ARHGEF7: variants seen among roughly 807,000 people sequenced by gnomAD.
ARHGEF7 encodes the protein PAK-interacting exchange factor beta.
ARHGEF7 carries 33 observed loss-of-function variants against 109.8 expected under a neutral mutation model. The observed-to-expected ratio is 0.30, with a 90% CI of 0.23 to 0.40. ARHGEF7 has a LOEUF of 0.40. Ranked by LOEUF, ARHGEF7 falls within the 10% of genes least tolerant of loss-of-function variation. The pLI is 1.00. For missense variants in ARHGEF7, 938 were observed against 1,098.5 expected (o/e 0.85, Z 2.07); for synonymous variants, 458 against 424.6 (o/e 1.08, Z -0.97).
chr13:111,208,083 C>G (rs1422723305), intron 3 of ARHGEF7, among the ~76,000 whole-genome samples: 1 of 152,204 alleles, frequency 6.6e-6, no homozygotes, highest in African/African-American at 2.4e-5. Flanking sequence ...TCTTGTTGCC[C>G]AGGCTGGAGT....
chr13:111,144,296 G>T (rs1436852753), intron 1 of ARHGEF7: 1 of 152,254 alleles, frequency 6.6e-6, no homozygotes, highest in African/African-American at 2.4e-5. Flanking sequence ...GAATGCAAAA[G>T]AGAAACATGC....
At chr13:111,254,350 G>A (rs1281801558) in intron 8 of ARHGEF7, among the ~76,000 whole-genome samples, 1 of 152,186 alleles carries the variant, frequency 6.6e-6, no homozygotes, top group Non-Finnish European at 1.5e-5. Flanking sequence ...TTGTTTGAGA[G>A]GATATGGGTG....
intron 16 of ARHGEF7, among the ~76,000 whole-genome samples, chr13:111,284,714 TTGC>T (rs1347429773): frequency 1.3e-5 from 2 of 152,152 alleles, no homozygotes; most frequent in Non-Finnish European, 2.9e-5. Flanking sequence ...CCGTCCAGTG[TTGC>T]TGAGCACCGC....
intron 6 of ARHGEF7, among the ~76,000 whole-genome samples, chr13:111,240,120 C>A (rs1051113624): frequency 2.6e-5 from 4 of 152,122 alleles, no homozygotes; most frequent in Non-Finnish European, 4.4e-5. Context: ...AGTGGTGGAG[C>A]GCAGCTGGGA....
At chr13:111,136,973 G>A (rs964911709) in intron 1 of ARHGEF7, among the ~76,000 whole-genome samples, 6 of 152,166 alleles carry the variant, frequency 3.9e-5, no homozygotes, top group Non-Finnish European at 7.4e-5. Flanking sequence ...ATACCTCTAC[G>A]CAAATAAACT....
chr13:111,247,879 AC>A (rs1286177180), intron 8 of ARHGEF7, among the ~76,000 whole-genome samples: 2 of 152,158 alleles, frequency 1.3e-5, no homozygotes, highest in East Asian at 3.9e-4. Flanking sequence ...AAGTTGGCTG[AC>A]CCCCAGGTGA....
chr13:111,180,600 G>C (rs868500671), intron 2 of ARHGEF7, among the ~76,000 whole-genome samples: 17 of 152,310 alleles, frequency 1.1e-4, no homozygotes, highest in African/African-American at 9.6e-5. Context: ...CTACAGGAAG[G>C]AGAAGCTGAG....
At chr13:111,279,105 A>T (rs747577651) in intron 13 of ARHGEF7, among the ~76,000 whole-genome samples, 1 of 152,202 alleles carries the variant, frequency 6.6e-6, no homozygotes, top group Admixed American at 6.5e-5. Context: ...GGCTAGGTTA[A>T]ACACAGTTGT....
chr13:111,141,357 T>A (rs199797791), intron 1 of ARHGEF7, among the ~76,000 whole-genome samples: 1 of 137,816 alleles, frequency 7.3e-6, no homozygotes, highest in Admixed American at 7.5e-5. Flanking sequence ...ACCGTCCCCA[T>A]GTTTTTTTTT....
chr13:111,208,229 G>A (rs1395446972), intron 3 of ARHGEF7, among the ~76,000 whole-genome samples: 1 of 152,110 alleles, frequency 6.6e-6, no homozygotes, highest in Non-Finnish European at 1.5e-5. Flanking sequence ...TAGTAGAGGC[G>A]GGGTTTCTCC....
intron 1 of ARHGEF7, among the ~76,000 whole-genome samples, chr13:111,127,114 A>G (rs902356357): frequency 3.9e-5 from 6 of 152,258 alleles, no homozygotes; most frequent in African/African-American, 1.4e-4. Context: ...TCGAAAGATA[A>G]TAAGTGGATA....
chr13:111,224,598 A>T (rs2084937055), intron 5 of ARHGEF7, among the ~76,000 whole-genome samples: 1 of 152,230 alleles, frequency 6.6e-6, no homozygotes, highest in Non-Finnish European at 1.5e-5. Context: ...GAGAGCTTAA[A>T]TGGGACTGTC....
chr13:111,165,048 C>G (rs1235108189), intron 2 of ARHGEF7, among the ~76,000 whole-genome samples: 1 of 152,138 alleles, frequency 6.6e-6, no homozygotes, highest in Non-Finnish European at 1.5e-5. Context: ...TCGGAGTCAG[C>G]TTGAACTTAC....
At chr13:111,162,698 C>CAGAA (rs1290046068) in intron 2 of ARHGEF7, among the ~76,000 whole-genome samples, 1 of 152,176 alleles carries the variant, frequency 6.6e-6, no homozygotes, top group Non-Finnish European at 1.5e-5. Flanking sequence ...TTCTGAAGGA[C>CAGAA]AAGTTCTTTT....
chr13:111,124,248 T>A (rs1363908518), intron 1 of ARHGEF7, among the ~76,000 whole-genome samples: 1 of 152,246 alleles, frequency 6.6e-6, no homozygotes, highest in Non-Finnish European at 1.5e-5. Context: ...TGTTGGAGAT[T>A]TACTGAAACA....
chr13:111,221,503 C>CATCTA (rs2084244348), intron 5 of ARHGEF7, among the ~76,000 whole-genome samples: 1 of 48,066 alleles, frequency 2.1e-5, no homozygotes, highest in Non-Finnish European at 4.5e-5. Flanking sequence ...ATATATATAT[C>CATCTA]TATATATATA....
intron 1 of ARHGEF7, among the ~76,000 whole-genome samples, chr13:111,141,334 T>C (rs1244593652): frequency 6.6e-6 from 1 of 151,314 alleles, no homozygotes; most frequent in East Asian, 1.9e-4. Context: ...CCCTGGCAAC[T>C]GTTGATCTTT....
chr13:111,139,857 C>T (rs1054056065), intron 1 of ARHGEF7, among the ~76,000 whole-genome samples: 1 of 152,150 alleles, frequency 6.6e-6, no homozygotes, highest in Non-Finnish European at 1.5e-5. Flanking sequence ...GGCAGCTGGC[C>T]GCAGGCAGAG....
chr13:111,138,205 C>T (rs1330032072), intron 1 of ARHGEF7, among the ~76,000 whole-genome samples: 1 of 151,968 alleles, frequency 6.6e-6, no homozygotes, highest in African/African-American at 2.4e-5. Context: ...CCCAGCTACT[C>T]GGGGGGCTAA....
Sources: allele counts gnomAD v4.1 joint callset (sites outside exome capture counted in the v4.1 genomes callset), GRCh38; gene constraint gnomAD v4.1.1; transcripts MANE v1.5; gene names NCBI Gene and HGNC (gene_info 2026-07-23, HGNC 2026-07-21).